Variants in IGFBP1 observed in about 807,000 individuals in gnomAD.
The protein encoded by IGFBP1 is insulin-like growth factor-binding protein 1.
IGFBP1 carries 31 observed loss-of-function variants against 23.1 expected under a neutral mutation model. The ratio of observed to expected loss-of-function variants is 1.34; its 90% CI spans 1.01 to 1.81. The LOEUF (loss-of-function observed/expected upper bound fraction) is 1.81. IGFBP1 is among the 40% of genes most tolerant of loss of function. The probability of loss-of-function intolerance (pLI) is 0.00; values close to 1 mark genes in which losing one functional copy is unlikely to be tolerated. For synonymous variants in IGFBP1, 148 were observed against 145.5 expected (o/e 1.02, Z -0.13); for missense variants, 333 against 342.2 (o/e 0.97, Z 0.21).
chr7:45,888,743 G>C lies in IGFBP1; in HGVS notation c.91G>C (p.Ala31Pro), dbSNP rs777300659. The change falls in exon 1 of 4, where the codon GCG (alanine) becomes CCG (proline). Residue 31 changes from alanine (A) to proline (P), a missense_variant. Transcript: ENST00000275525. ...GVTAGAPWQC[A>P]PCSAEKLALC... ...GACAGCCGGCGCTCCGTGGCAGTGC[G>C]CGCCCTGCTCCGCCGAGAAGCTCGC... 1.6e-5 allele frequency: 26 copies of C among 1,591,540 alleles called. No individual in the cohort carries two copies. Among genetic ancestry groups the C allele is most frequent in the Non-Finnish European group, 2.0e-5 (24 of 1,177,428 alleles).
intron 3 of IGFBP1, among the ~76,000 whole-genome samples, chr7:45,892,445 G>A (rs781770207): frequency 6.6e-6 from 1 of 152,238 alleles, no homozygotes; most frequent in Non-Finnish European, 1.5e-5. Context: ...TATTTGGACA[G>A]CTCTTAACAC....
At chr7:45,891,849 C>T in intron 2 of IGFBP1, 83 bp from the exon 3 acceptor site, 2 of 1,429,036 alleles carry the variant, frequency 1.4e-6, no homozygotes, top group Non-Finnish European at 1.9e-6. Flanking sequence ...CCTGCTTCTA[C>T]AAAACCTCTT....
chr7:45,889,097 G>A, intron 1 of IGFBP1, 96 bp downstream of exon 1: 5 of 926,614 alleles, frequency 5.4e-6, no homozygotes, highest in Non-Finnish European at 7.6e-6. Flanking sequence ...TGGGGCTGCA[G>A]CCGGGCAGGG....
intron 1 of IGFBP1, 76 bp from the exon 2 acceptor site, chr7:45,890,472 G>A (rs1170017078): frequency 1.4e-6 from 2 of 1,474,216 alleles, no homozygotes; most frequent in African/African-American, 2.9e-5. Flanking sequence ...TTGAGGGAAG[G>A]AAGTGATCTC....
chr7:45,893,118 G>T lies in IGFBP1; in HGVS notation c.*27G>T, dbSNP rs368331647. On this transcript the variant is annotated 3_prime_UTR_variant, in exon 4 of 4. Transcript: ENST00000275525. ...ACCAGATGAAATAATGTTCTGTCAC[G>T]TGAAATATTTAAGTATATAGTATAT... 1 of 1,554,560 alleles carries T rather than the reference G, an allele frequency of 6.4e-7. No homozygotes were observed. Among genetic ancestry groups the T allele is most frequent in the African/African-American group, 1.4e-5 (1 of 73,620 alleles).
chr7:45,892,096 A>G (rs1310688918), intron 3 of IGFBP1, 36 bp downstream of exon 3: 1 of 1,608,994 alleles, frequency 6.2e-7, no homozygotes, highest in Admixed American at 1.7e-5. Context: ...GTCAGGGTGA[A>G]AGGGACTACT....
rs531101667 is a variant in IGFBP1 at position 45,890,560 on chromosome 7, C to G, written c.362C>G (p.Pro121Arg). 2.5e-6 allele frequency: 4 copies of G among 1,609,672 alleles called. No homozygotes were observed. The highest frequency in any genetic ancestry group is 2.2e-5 in the South Asian group (2 of 90,434). The stretch of plus-strand genomic sequence containing the variant: ...GTTTCCTTTCCAGAGGCAGGGAGCC[C>G]TGAAAGCCCAGAGAGCACGGAGATA... ...SAPHAAEAGS[P>R]ESPESTEITE... is the part of the protein sequence containing the mutation. Residue 121 changes from proline to arginine, a missense_variant, in exon 2 of 4, where the codon CCT becomes CGT. Pro to Arg is a moderately radical substitution (Grantham distance 103). Coordinates refer to ENST00000275525, the MANE Select transcript of IGFBP1 (RefSeq NM_000596.4).
chr7:45,888,744 C>A lies in IGFBP1; in HGVS notation c.92C>A (p.Ala31Glu), dbSNP rs1562794853. The change falls in exon 1 of 4, where the codon GCG (alanine) becomes GAG (glutamate). Residue 31 changes from alanine (A) to glutamate (E), a missense_variant. Ala to Glu is a moderately radical substitution (Grantham distance 107). Coordinates refer to ENST00000275525, the MANE Select transcript of IGFBP1 (RefSeq NM_000596.4). ...GVTAGAPWQC[A>E]PCSAEKLALC... The stretch of plus-strand genomic sequence containing the variant: ...ACAGCCGGCGCTCCGTGGCAGTGCG[C>A]GCCCTGCTCCGCCGAGAAGCTCGCG... The A allele has an allele frequency of 3.8e-6, 6 of 1,587,682 alleles. No individual in the cohort carries two copies. Among genetic ancestry groups the A allele is most frequent in the African/African-American group, 1.3e-5 (1 of 74,424 alleles).
chr7:45,888,561 C>A lies in IGFBP1; in HGVS notation c.-92C>A. 2 of 1,125,660 alleles carry A rather than the reference C, an allele frequency of 1.8e-6. No homozygotes were observed. Among genetic ancestry groups the A allele is most frequent in the South Asian group, 1.4e-5 (1 of 73,294 alleles). The allele number at this position is 1,125,660 out of a possible 1,614,324, so 69.7% of individuals were successfully genotyped here. A position where few individuals can be genotyped will look rare whatever the true frequency, so the allele number is the denominator to read the frequency against. The stretch of plus-strand genomic sequence containing the variant: ...CCACCCTCCCAGAGAGCACTGGCCA[C>A]CGCTCCACCATCACTTGCCCAGAGT... On this transcript the variant is annotated 5_prime_UTR_variant, in exon 1 of 4. Coordinates refer to ENST00000275525, the MANE Select transcript of IGFBP1 (RefSeq NM_000596.4).
chr7:45,888,973 G>A lies in IGFBP1; in HGVS notation c.321G>A (p.Glu107=), dbSNP rs1787031898. 2.6e-6 allele frequency: 4 copies of A among 1,520,338 alleles called. No individual in the cohort carries two copies. The highest frequency in any genetic ancestry group is 3.5e-6 in the Non-Finnish European group (4 of 1,140,940). 94.2% of individuals were successfully genotyped at this position (1,520,338 alleles called of 1,614,324 possible). The change falls in exon 1 of 4, where the codon GAG becomes GAA. Residue 107 remains glutamate (E), a synonymous_variant. Transcript: ENST00000275525. ...LTRGQGACVQ[E]SDASAPHAAE... is the part of the protein sequence containing the mutation. ...GCGGCCAAGGCGCCTGCGTGCAGGA[G>A]TCTGACGCCTCCGCTCCCCATGCTG... is the stretch of plus-strand genomic sequence containing the variant.
chr7:45,890,367 T>G (rs975928896), intron 1 of IGFBP1, among the ~76,000 whole-genome samples, 181 bp from the exon 2 acceptor site: 1 of 152,180 alleles, frequency 6.6e-6, no homozygotes, highest in African/African-American at 2.4e-5. Flanking sequence ...TGTTGGGACA[T>G]AACTCTTCCT....
chr7:45,889,015 G>A lies in IGFBP1; in HGVS notation c.349+14G>A. The stretch of plus-strand genomic sequence containing the variant: ...CCCATGCTGCAGGTACCACAGTCCC[G>A]CCCCTGCTCCAGCACCTCCTGCCGC... On this transcript the variant is annotated intron_variant, in intron 1 of 3. Transcript: ENST00000275525. 2.0e-6 allele frequency: 3 copies of A among 1,494,418 alleles called. No homozygotes were observed. The highest frequency in any genetic ancestry group is 2.7e-6 in the Non-Finnish European group (3 of 1,127,790). 92.6% of individuals were successfully genotyped at this position (1,494,418 alleles called of 1,614,324 possible).
rs1787015171 is a variant in IGFBP1, at chr7:45,888,565, TCCA to T, written c.-84_-82del. 2 of 1,153,760 alleles carry T rather than the reference TCCA, an allele frequency of 1.7e-6. No homozygotes were observed. Among genetic ancestry groups the T allele is most frequent in the Admixed American group, 2.0e-5 (1 of 49,178 alleles). The allele number at this position is 1,153,760 out of a possible 1,614,324, so 71.5% of individuals were successfully genotyped here. On this transcript the variant is annotated 5_prime_UTR_variant, in exon 1 of 4. Transcript: ENST00000275525. ...CCTCCCAGAGAGCACTGGCCACCGC[TCCA>T]CCATCACTTGCCCAGAGTTTGGGCC...
At chr7:45,892,698 A>C (rs9658223) in intron 3 of IGFBP1, among the ~76,000 whole-genome samples, 5,299 of 152,310 alleles carry the variant, frequency 0.035, 136 homozygotes, top group Admixed American at 0.049. Flanking sequence ...CAGGCTATGA[A>C]GCAGACAGCT....
Position 45,893,169 on chromosome 7 carries a change from T to C in IGFBP1, c.*78T>C. 1 of 753,146 alleles carries C rather than the reference T, an allele frequency of 1.3e-6. No individual in the cohort carries two copies. The highest frequency in any genetic ancestry group is 2.9e-5 in the Admixed American group (1 of 34,270). The allele number at this position is 753,146 out of a possible 1,614,324, so 46.7% of individuals were successfully genotyped here. ...TTATACTCTAGAACATGCACATTTA[T>C]ATATATATGTATATGTATATATATA... is the stretch of plus-strand genomic sequence containing the variant. On this transcript the variant is annotated 3_prime_UTR_variant, in exon 4 of 4. Transcript: ENST00000275525.
chr7:45,888,905 C>G lies in IGFBP1; in HGVS notation c.253C>G (p.Arg85Gly). Residue 85 changes from arginine to glycine, a missense_variant, in exon 1 of 4, where the codon CGC (arginine) becomes GGC (glycine). Arg to Gly is a moderately radical substitution (Grantham distance 125). Coordinates refer to ENST00000275525, the MANE Select transcript of IGFBP1 (RefSeq NM_000596.4). ...ACGCTGCGCCCGGGGACTCAGTTGC[C>G]GCGCGCTGCCGGGGGAGCAGCAACC... ...TARCARGLSCRALPGEQQPLH... is the reference protein window; with the variant it reads ...TARCARGLSCGALPGEQQPLH... 1 of 1,499,906 alleles carries G rather than the reference C, an allele frequency of 6.7e-7. No homozygotes were observed. Among genetic ancestry groups the G allele is most frequent in the Non-Finnish European group, 8.8e-7 (1 of 1,135,426 alleles). The allele number at this position is 1,499,906 out of a possible 1,614,324, so 92.9% of individuals were successfully genotyped here.
At chr7:45,891,612 G>C (rs933210440) in intron 2 of IGFBP1, among the ~76,000 whole-genome samples, 10 of 152,208 alleles carry the variant, frequency 6.6e-5, no homozygotes, top group Admixed American at 1.3e-4. Context: ...GTATTCAGTA[G>C]GTGGCAGGAA....
chr7:45,890,476 T>G, intron 1 of IGFBP1, 72 bp from the exon 2 acceptor site: 1 of 1,488,260 alleles, frequency 6.7e-7, no homozygotes, highest in Non-Finnish European at 9.0e-7. Flanking sequence ...GGGAAGGAAG[T>G]GATCTCCTGG....
chr7:45,890,944 C>T lies in IGFBP1; in HGVS notation c.519+227C>T, dbSNP rs533881037. Among the ~76,000 whole-genome samples, 151 of 152,196 alleles carry T rather than the reference C, an allele frequency of 9.9e-4. 1 individual carries two copies. Among genetic ancestry groups the T allele is most frequent in the African/African-American group, 3.2e-3 (134 of 41,514 alleles). ...GATGCAAAGAAAATGTAGTTCCGGA[C>T]GATAGGTTACTTCATGTCTCTGAGC... On this transcript the variant is annotated intron_variant, in intron 2 of 3. Transcript: ENST00000275525.
Sources: gnomAD v4.1 joint callset for allele counts (sites outside exome capture counted in the v4.1 genomes callset) on GRCh38, gnomAD v4.1.1 for gene constraint, MANE v1.5 for transcripts, NCBI Gene and HGNC (gene_info 2026-07-23, HGNC 2026-07-21) for gene names.